Variants in CNGA3 observed in about 807,000 individuals in gnomAD.
CNGA3 encodes the protein cyclic nucleotide gated channel subunit alpha 3.
A neutral mutation model predicts 46.6 loss-of-function variants in CNGA3; 42 were observed. The observed-to-expected ratio is 0.90, with a 90% confidence interval of 0.70 to 1.17. The LOEUF is 1.17. CNGA3 is among the 50% of genes most tolerant of loss of function. The pLI is 0.00. For missense variants in CNGA3, 893 were observed against 890.7 expected (o/e 1.00, Z -0.03); for synonymous variants, 394 against 369.4 (o/e 1.07, Z -0.76).
chr2:98,359,104 C>T (rs1286220549), intron 1 of CNGA3, among the ~76,000 whole-genome samples: 1 of 152,176 alleles, frequency 6.6e-6, no homozygotes, highest in Admixed American at 6.5e-5. Context: ...ACCCAGATGT[C>T]CATTATCAAA....
At chr2:98,388,892 A>T (rs2104227429) in intron 5 of CNGA3, among the ~76,000 whole-genome samples, 1 of 152,278 alleles carries the variant, frequency 6.6e-6, no homozygotes, top group South Asian at 2.1e-4. Context: ...GCACAGGAGC[A>T]CTCTGCAGGC....
chr2:98,387,914 T>G (rs1292223793), intron 5 of CNGA3, among the ~76,000 whole-genome samples: 3 of 152,162 alleles, frequency 2.0e-5, no homozygotes, highest in Non-Finnish European at 4.4e-5. Flanking sequence ...CTTCAATGTG[T>G]GGATTTGGGT....
rs1692580564 is a variant in CNGA3, at chr2:98,383,400, G to GAT, written c.408_409insAT (p.Ala137MetfsTer37). The GAT allele has an allele frequency of 1.2e-6, 2 of 1,614,012 alleles. No individual in the cohort carries two copies. The highest frequency in any genetic ancestry group is 2.7e-5 in the African/African-American group (2 of 74,894). ...TACCTTCCCGCAGCGCCTGGCCCCT[G>GAT]GCCAAATGCAACACTAACACCAGCA... On this transcript the variant is annotated frameshift_variant, in exon 5 of 8. Coordinates refer to ENST00000272602, the MANE Select transcript of CNGA3 (RefSeq NM_001298.3). LOFTEE classifies it high-confidence loss of function.
chr2:98,374,931 C>T (rs1692370922), intron 2 of CNGA3, among the ~76,000 whole-genome samples: 1 of 152,196 alleles, frequency 6.6e-6, no homozygotes, highest in African/African-American at 2.4e-5. Context: ...ATGAAATTGC[C>T]AACTTTTGCT....
At chr2:98,351,641 G>A (rs916897628) in intron 1 of CNGA3, among the ~76,000 whole-genome samples, 2 of 152,070 alleles carry the variant, frequency 1.3e-5, no homozygotes, top group African/African-American at 4.8e-5. Context: ...ACCTCATAAG[G>A]TTATTGAAAA....
intron 6 of CNGA3, among the ~76,000 whole-genome samples, chr2:98,390,261 G>A (rs1203666090): frequency 2.6e-5 from 4 of 151,734 alleles, no homozygotes; most frequent in Admixed American, 6.6e-5. Context: ...TCAGCCACCC[G>A]AGTAGCTGTG....
chr2:98,362,173 C>CTTTTTT (rs1231791527), intron 1 of CNGA3, among the ~76,000 whole-genome samples: 11 of 89,824 alleles, frequency 1.2e-4, no homozygotes, highest in African/African-American at 1.7e-4. Flanking sequence ...CCTTTGCCCA[C>CTTTTTT]TTTTTTTTTT....
chr2:98,380,325 C>A lies in CNGA3; in HGVS notation c.366C>A (p.Gly122=). 2 of 1,614,168 alleles carry A rather than the reference C, an allele frequency of 1.2e-6. No homozygotes were observed. The highest frequency in any genetic ancestry group is 1.7e-6 in the Non-Finnish European group (2 of 1,180,018). ...AAAGCAATGCCCAGGCAAATGTGGG[C>A]AGCCAGGAGCCAGCAGACAGAGGGA... ...SQESNAQANV[G]SQEPADRGRS... Residue 122 remains glycine, a synonymous_variant, in exon 4 of 8, where the codon GGC becomes GGA. Transcript: ENST00000272602.
chr2:98,353,082 G>A (rs1007961134), intron 1 of CNGA3, among the ~76,000 whole-genome samples: 12 of 152,126 alleles, frequency 7.9e-5, no homozygotes, highest in African/African-American at 2.7e-4. Context: ...ATGTATTACA[G>A]GCTGTATTCT....
At chr2:98,350,400 A>G (rs1691746891) in intron 1 of CNGA3, among the ~76,000 whole-genome samples, 1 of 152,212 alleles carries the variant, frequency 6.6e-6, no homozygotes, top group Non-Finnish European at 1.5e-5. Flanking sequence ...TCACACCACA[A>G]AAGTTAATTA....
In CNGA3 at chr2:98,348,466, A is replaced by G. The variant is rs528043931; in HGVS notation, c.-38+1932A>G. Among the ~76,000 whole-genome samples, 6 of 152,256 alleles carry G rather than the reference A, an allele frequency of 3.9e-5. No homozygotes were observed. The East Asian group carries it at 1.2e-3, about 29-fold the overall frequency. On this transcript the variant is annotated intron_variant, in intron 1 of 7. Transcript: ENST00000272602. ...CCCAGAAGGTAAACAGTTGGAAGCT[A>G]CTCAGGCTCTTTCCAGCTCTGGCCG...
At chr2:98,357,475 G>T (rs937727) in intron 1 of CNGA3, among the ~76,000 whole-genome samples, 30 of 152,200 alleles carry the variant, frequency 2.0e-4, no homozygotes, top group Admixed American at 1.8e-3. Context: ...TGCACCCATC[G>T]TGCCTCTACC....
At position 98,396,623 on chromosome 2, in the gene CNGA3, G is replaced by T. The variant is rs756200433; in HGVS notation, c.1453G>T (p.Asp485Tyr). 1.2e-6 allele frequency: 2 copies of T among 1,614,130 alleles called. No homozygotes were observed. The highest frequency in any genetic ancestry group is 1.7e-6 in the Non-Finnish European group (2 of 1,180,022). ...DTLKKVRIFQ[D>Y]CEAGLLVELV... ...GCTGAAGAAGGTTCGCATCTTCCAG[G>T]ACTGTGAGGCAGGGCTGCTGGTGGA... Residue 485 changes from aspartate (D) to tyrosine (Y), a missense_variant, in exon 8 of 8, where the codon GAC becomes TAC. Physicochemically the swap from Asp to Tyr is radical, Grantham distance 160. Coordinates refer to ENST00000272602, the MANE Select transcript of CNGA3 (RefSeq NM_001298.3).
intron 4 of CNGA3, among the ~76,000 whole-genome samples, chr2:98,380,780 T>C (rs1166981444): frequency 2.6e-5 from 4 of 152,202 alleles, no homozygotes; most frequent in Non-Finnish European, 5.9e-5. Context: ...GGGGGGTGTC[T>C]AAATGGTATC....
Position 98,397,470 on chromosome 2 carries a change from G to C in CNGA3, c.*215G>C. On this transcript the variant is annotated 3_prime_UTR_variant, in exon 8 of 8. Transcript: ENST00000272602. Reference sequence around the variant, plus strand: ...AGTGCCAGGTTTGATTGTGAAGTCCGCATGAAACACTGCACCAGGCAGGGC... The same window carrying C: ...AGTGCCAGGTTTGATTGTGAAGTCCCCATGAAACACTGCACCAGGCAGGGC... 1 of 610,644 alleles carries C rather than the reference G, an allele frequency of 1.6e-6. No homozygotes were observed. Among genetic ancestry groups the C allele is most frequent in the Non-Finnish European group, 2.9e-6 (1 of 343,980 alleles). The allele number at this position is 610,644 out of a possible 1,614,324, so 37.8% of individuals were successfully genotyped here. A position where few individuals can be genotyped will look rare whatever the true frequency, so the allele number is the denominator to read the frequency against.
intron 2 of CNGA3, among the ~76,000 whole-genome samples, chr2:98,372,468 G>A (rs1050940989): frequency 7.9e-5 from 12 of 152,188 alleles, no homozygotes; most frequent in South Asian, 2.1e-4. Flanking sequence ...GCTATTTGTC[G>A]TCTGCATGGG....
intron 7 of CNGA3, among the ~76,000 whole-genome samples, chr2:98,393,770 A>G (rs981433044): frequency 1.1e-4 from 17 of 152,064 alleles, no homozygotes; most frequent in Admixed American, 1.1e-3. Context: ...GGAAGCTGGG[A>G]GAGAGGGAGG....
In CNGA3 at chr2:98,397,315, G is replaced by A. The variant is rs546240673; in HGVS notation, c.*60G>A. On this transcript the variant is annotated 3_prime_UTR_variant, in exon 8 of 8. Coordinates refer to ENST00000272602, the MANE Select transcript of CNGA3 (RefSeq NM_001298.3). ...ACTGTCAGGGTGACCGTATGTGGCC[G>A]CAGCTGTGTGGCATGGAACTTGGTC... 373 of 1,532,284 alleles carry A rather than the reference G, an allele frequency of 2.4e-4. 1 individual carries two copies. The highest frequency in any genetic ancestry group is 3.1e-4 in the Non-Finnish European group (342 of 1,114,140). The allele number at this position is 1,532,284 out of a possible 1,614,324, so 94.9% of individuals were successfully genotyped here. A position where few individuals can be genotyped will look rare whatever the true frequency, so the allele number is the denominator to read the frequency against.
chr2:98,368,578 C>T (rs759438752), intron 1 of CNGA3, among the ~76,000 whole-genome samples: 2 of 152,220 alleles, frequency 1.3e-5, no homozygotes, highest in Non-Finnish European at 2.9e-5. Flanking sequence ...ATTTCTGGCA[C>T]AAGTGTAACT....
Sources: allele counts gnomAD v4.1 joint callset (sites outside exome capture counted in the v4.1 genomes callset), GRCh38; gene constraint gnomAD v4.1.1; transcripts MANE v1.5; gene names NCBI Gene and HGNC (gene_info 2026-07-23, HGNC 2026-07-21).